UGGT1: variants seen among roughly 807,000 people sequenced by gnomAD.
UGGT1 encodes UDP-glucose glycoprotein glucosyltransferase 1.
In UGGT1, 107 loss-of-function variants were observed where a neutral mutation model predicts 203.9. The observed-to-expected ratio is 0.52, with a 90% CI of 0.45 to 0.62. UGGT1 has a LOEUF of 0.62. Ranked by LOEUF, UGGT1 falls within the 20% of genes least tolerant of loss-of-function variation. The pLI, the probability that UGGT1 is intolerant of heterozygous loss-of-function variation, is 0.00. For missense variants in UGGT1, 1,673 were observed against 1,867.2 expected, an observed-to-expected ratio of 0.90 and a Z score of 1.92; for synonymous variants, 628 against 653.5, an observed-to-expected ratio of 0.96 and a Z score of 0.59.
At chr2:128,188,620 G>A (rs1692110035) in intron 40 of UGGT1, among the ~76,000 whole-genome samples, 1 of 152,198 alleles carries the variant, frequency 6.6e-6, no homozygotes, top group African/African-American at 2.4e-5. Flanking sequence ...ATGGGCTCTG[G>A]ATTTTTAAGA....
intron 1 of UGGT1, 165 bp downstream of exon 1, chr2:128,091,580 GT>G (rs1185482309): frequency 1.0e-5 from 15 of 1,441,300 alleles, no homozygotes; most frequent in Non-Finnish European, 1.3e-5. Flanking sequence ...GTTGCCCTCA[GT>G]GGTCTTCTTG....
chr2:128,171,581 C>T (rs1691105809), intron 28 of UGGT1, among the ~76,000 whole-genome samples: 1 of 152,134 alleles, frequency 6.6e-6, no homozygotes, highest in African/African-American at 2.4e-5. Context: ...GATCTTGGCT[C>T]ACTGCAGCCT....
intron 40 of UGGT1, among the ~76,000 whole-genome samples, chr2:128,188,590 A>T (rs1692108591): frequency 6.6e-6 from 1 of 152,214 alleles, no homozygotes; most frequent in African/African-American, 2.4e-5. Context: ...TGGAGTCCAT[A>T]GTGATGTTTT....
chr2:128,192,552 G>C lies in UGGT1; in HGVS notation c.*2810G>C, dbSNP rs961058618. Reference sequence around the variant, plus strand: ...GACTTTTGTTTGTGAGTAAGTGACAGAGTAATATGAAATAATGTGATATGT... The same window carrying C: ...GACTTTTGTTTGTGAGTAAGTGACACAGTAATATGAAATAATGTGATATGT... On this transcript the variant is annotated 3_prime_UTR_variant, in exon 41 of 41. Coordinates refer to ENST00000259253, the MANE Select transcript of UGGT1 (RefSeq NM_020120.4). 6.6e-6 allele frequency: 1 copy of C among 152,184 alleles called. No individual in the cohort carries two copies. Among genetic ancestry groups the C allele is most frequent in the African/African-American group, 2.4e-5 (1 of 41,450 alleles). 9.4% of individuals were successfully genotyped at this position (152,184 alleles called of 1,614,324 possible).
chr2:128,178,712 T>G (rs1188959870), intron 34 of UGGT1, 143 bp downstream of exon 34: 2 of 717,236 alleles, frequency 2.8e-6, no homozygotes, highest in Admixed American at 5.9e-5. Flanking sequence ...GCTTGCCATT[T>G]ATCATTGGAT....
rs1175523636 is a variant in UGGT1 at position 128,113,735 on chromosome 2, C to CT, written c.696+480dup. On this transcript the variant is annotated intron_variant, in intron 6 of 40. Coordinates refer to ENST00000259253, the MANE Select transcript of UGGT1 (RefSeq NM_020120.4). ...GTGGCTCACGCCTGTAATCCCAGCA[C>CT]TTTGGGAGGCCGAGGCGGGCGGATC... Among the ~76,000 whole-genome samples the CT allele has an allele frequency of 1.9e-3, 6 of 3,126 alleles. 3 individuals carry two copies. Among genetic ancestry groups the CT allele is most frequent in the African/African-American group, 2.2e-3 (6 of 2,680 alleles). The allele number at this position is 3,126 out of a possible 152,430, so 2.1% of individuals were successfully genotyped here.
At chr2:128,129,302 A>G in intron 13 of UGGT1, 123 bp downstream of exon 13, 1 of 1,165,834 alleles carries the variant, frequency 8.6e-7, no homozygotes, top group Non-Finnish European at 1.2e-6. Context: ...TGAAAGATTT[A>G]TAATTGCTTA....
At chr2:128,186,422 A>G (rs1691983926) in intron 38 of UGGT1, among the ~76,000 whole-genome samples, 2 of 152,140 alleles carry the variant, frequency 1.3e-5, no homozygotes, top group African/African-American at 2.4e-5. Flanking sequence ...ACCTGGGGCA[A>G]CATGGCAAAA....
intron 2 of UGGT1, among the ~76,000 whole-genome samples, chr2:128,100,580 ATTTT>A (rs1264351444): frequency 1.1e-5 from 1 of 88,334 alleles, no homozygotes; most frequent in Non-Finnish European, 2.5e-5. Context: ...CTAATTTTGT[ATTTT>A]TTTTTTTTTT....
intron 12 of UGGT1, among the ~76,000 whole-genome samples, chr2:128,128,738 C>CATAT (rs1160805871): frequency 6.6e-6 from 1 of 152,110 alleles, no homozygotes; most frequent in African/African-American, 2.4e-5. Flanking sequence ...ATATATTAAG[C>CATAT]ATATATAATG....
chr2:128,092,149 A>G (rs988348511), intron 1 of UGGT1, among the ~76,000 whole-genome samples: 2 of 152,038 alleles, frequency 1.3e-5, no homozygotes, highest in African/African-American at 4.8e-5. Flanking sequence ...TCCTTCAAGA[A>G]TCTTACACTT....
chr2:128,188,027 T>G (rs1314510671), intron 40 of UGGT1, among the ~76,000 whole-genome samples: 5 of 150,194 alleles, frequency 3.3e-5, no homozygotes, highest in Admixed American at 3.3e-4. Flanking sequence ...GAAACTTTTT[T>G]TTTTTTTTTT....
At position 128,134,865 on chromosome 2, in the gene UGGT1, T is replaced by C. The variant is rs765711422; in HGVS notation, c.1498-11T>C. 5.0e-6 allele frequency: 8 copies of C among 1,612,104 alleles called. No individual in the cohort carries two copies. In the East Asian group the frequency reaches 1.8e-4, roughly 36 times the overall value. On this transcript the variant is annotated splice_polypyrimidine_tract_variant and intron_variant, in intron 14 of 40. Coordinates refer to ENST00000259253, the MANE Select transcript of UGGT1 (RefSeq NM_020120.4). ...TGTCATTTCATGTGTTCTTTTCCCT[T>C]TCTTCAACAGGTTTTCATAGTTGAT...
At chr2:128,100,028 CCACCCT>C (rs1170435500) in intron 2 of UGGT1, among the ~76,000 whole-genome samples, 1 of 42,692 alleles carries the variant, frequency 2.3e-5, no homozygotes, top group Non-Finnish European at 5.4e-5. Context: ...ACCCCCCCCC[CCACCCT>C]ACTTATTTTT....
chr2:128,168,982 G>A (rs1314771681), intron 26 of UGGT1, among the ~76,000 whole-genome samples: 1 of 148,570 alleles, frequency 6.7e-6, no homozygotes, highest in Non-Finnish European at 1.5e-5. Context: ...GGGAGGTGGA[G>A]GTTGCAGTGA....
At chr2:128,107,902 T>C (rs746957052) in intron 3 of UGGT1, 36 bp from the exon 4 acceptor site, 10 of 1,613,302 alleles carry the variant, frequency 6.2e-6, no homozygotes, top group South Asian at 1.1e-5. Flanking sequence ...TCTCTAGTCA[T>C]ACGCAATTAC....
chr2:128,120,293 C>T lies in UGGT1; in HGVS notation c.873-63C>T, dbSNP rs534963466. 2.5e-4 allele frequency: 377 copies of T among 1,518,636 alleles called. 4 individuals carry two copies. The South Asian group carries it at 4.2e-3, about 17-fold the overall frequency. The allele number at this position is 1,518,636 out of a possible 1,614,324, so 94.1% of individuals were successfully genotyped here. ...AAACCATGAAGATAAAGTTGGTTTA[C>T]TTCTTCTTATGCTCCGGGAAAGAAA... On this transcript the variant is annotated intron_variant, in intron 8 of 40. Transcript: ENST00000259253.
Position 128,171,419 on chromosome 2 carries a change from T to C in UGGT1, c.3104+135T>C, listed in dbSNP as rs1691096294. The C allele has an allele frequency of 5.9e-6, 5 of 852,160 alleles. No homozygotes were observed. In the Admixed American group the frequency reaches 1.2e-4, roughly 21 times the overall value. The allele number at this position is 852,160 out of a possible 1,614,324, so 52.8% of individuals were successfully genotyped here. A position where few individuals can be genotyped will look rare whatever the true frequency, so the allele number is the denominator to read the frequency against. On this transcript the variant is annotated intron_variant, in intron 28 of 40. Transcript: ENST00000259253. ...TGGTCATTTACTAAATGTTCAGTTT[T>C]GCCAAATTTCATTCTAATCAGAAGT...
chr2:128,145,692 C>A, intron 17 of UGGT1, 111 bp from the exon 18 acceptor site: 2 of 967,664 alleles, frequency 2.1e-6, no homozygotes, highest in Non-Finnish European at 2.8e-6. Flanking sequence ...TTTTTCTTTA[C>A]AATATTTCTA....
Sources: allele counts gnomAD v4.1 joint callset (sites outside exome capture counted in the v4.1 genomes callset), GRCh38; gene constraint gnomAD v4.1.1; transcripts MANE v1.5; gene names NCBI Gene and HGNC (gene_info 2026-07-23, HGNC 2026-07-21).